Variants in RBM4 observed in about 807,000 individuals in gnomAD.
RBM4 encodes RNA binding motif protein 4.
RBM4 carries 7 observed loss-of-function variants against 29.5 expected under a neutral mutation model. That is an observed-to-expected ratio of 0.24 (90% confidence interval 0.14 to 0.45). The LOEUF is 0.45. RBM4 is among the 20% of genes least tolerant of loss of function. The pLI, the probability that RBM4 is intolerant of heterozygous loss-of-function variation, is 1.00. For missense variants in RBM4, 387 were observed against 502.3 expected (o/e 0.77, Z 2.19); for synonymous variants, 220 against 205.4 (o/e 1.07, Z -0.61).
At chr11:66,651,125 G>A (rs190021481), downstream of RBM4, among the ~76,000 whole-genome samples, 14 of 152,106 alleles carry the variant, frequency 9.2e-5, no homozygotes, top group Non-Finnish European at 1.8e-4. Flanking sequence ...GTAGACTCGG[G>A]GGGGGATGGA....
At position 66,646,462 on chromosome 11, in the gene RBM4, C is replaced by T; in HGVS notation, c.*444C>T. ...CTTTCCGGTGAAATAAATGGTTTTT[C>T]AACTTAGGGTATGTGTGCTTTGCGA... is the stretch of plus-strand genomic sequence containing the variant. On this transcript the variant is annotated 3_prime_UTR_variant, in exon 4 of 4. Coordinates refer to ENST00000310092, the MANE Select transcript of RBM4 (RefSeq NM_002896.4). 6 of 1,005,438 alleles carry T rather than the reference C, an allele frequency of 6.0e-6. No homozygotes were observed. Among genetic ancestry groups the T allele is most frequent in the Non-Finnish European group, 7.1e-6 (6 of 842,774 alleles). The allele number at this position is 1,005,438 out of a possible 1,614,324, so 62.3% of individuals were successfully genotyped here.
chr11:66,642,744 T>C (rs954917183), intron 2 of RBM4, among the ~76,000 whole-genome samples: 2 of 152,192 alleles, frequency 1.3e-5, no homozygotes, highest in African/African-American at 4.8e-5. Context: ...CCTGTTTGCC[T>C]TTGACCCTAG....
chr11:66,647,612 G>A (rs1202638562), downstream of RBM4, among the ~76,000 whole-genome samples: 2 of 152,084 alleles, frequency 1.3e-5, no homozygotes, highest in African/African-American at 4.8e-5. Context: ...ACCACTGAAC[G>A]CCATTTTTAC....
intron 2 of RBM4, chr11:66,665,704 A>G: frequency 6.8e-7 from 1 of 1,467,748 alleles, no homozygotes; most frequent in East Asian, 2.5e-5. Flanking sequence ...AAACCAAGTC[A>G]GACTGGATCT....
intron 2 of RBM4, among the ~76,000 whole-genome samples, chr11:66,662,691 C>T (rs1049112626): frequency 6.6e-6 from 1 of 152,188 alleles, no homozygotes; most frequent in Non-Finnish European, 1.5e-5. Context: ...GCGTGAGTCA[C>T]GCACCTGGTA....
At chr11:66,639,558 C>G in intron 1 of RBM4, 142 bp from the exon 2 acceptor site, 1 of 1,077,288 alleles carries the variant, frequency 9.3e-7, no homozygotes, top group Non-Finnish European at 1.3e-6. Context: ...ACTCCCACTT[C>G]CATTTGATTA....
downstream of RBM4, among the ~76,000 whole-genome samples, chr11:66,647,789 G>A (rs1056490608): frequency 1.4e-4 from 22 of 152,218 alleles, no homozygotes; most frequent in Non-Finnish European, 2.4e-4. Context: ...TTCTGAGGGA[G>A]CAGAAAATGC....
At chr11:66,645,223 C>T (rs1938639745) in intron 3 of RBM4, among the ~76,000 whole-genome samples, 1 of 152,164 alleles carries the variant, frequency 6.6e-6, no homozygotes, top group South Asian at 2.1e-4. Flanking sequence ...AATATATTCT[C>T]TTCTGATACT....
At chr11:66,644,852 C>A in intron 3 of RBM4, 2 of 278,106 alleles carry the variant, frequency 7.2e-6, no homozygotes, top group Non-Finnish European at 1.1e-5. Context: ...AGATTTATTC[C>A]CTGAATAGAG....
chr11:66,646,719 T>C (rs928683068), downstream of RBM4, among the ~76,000 whole-genome samples: 1 of 152,204 alleles, frequency 6.6e-6, no homozygotes, highest in African/African-American at 2.4e-5. Flanking sequence ...TACTTTTAGT[T>C]TACAGATGTA....
chr11:66,644,054 C>T lies in RBM4; in HGVS notation c.1017C>T (p.Ala339=), dbSNP rs371545888. The change falls in exon 3 of 4, where the codon GCC becomes GCT. Residue 339 remains alanine (A), a synonymous_variant. Coordinates refer to ENST00000310092, the MANE Select transcript of RBM4 (RefSeq NM_002896.4). The part of the protein sequence containing the change: ...HESELSQASA[A]ARNSLYDMAR... ...GTGAGTTGTCCCAAGCTTCAGCAGC[C>T]GCGCGGAATTCTCTGTACGACATGG... 2.2e-5 allele frequency: 35 copies of T among 1,613,884 alleles called. 1 individual carries two copies. Among genetic ancestry groups the T allele is most frequent in the Middle Eastern group, 1.6e-4 (1 of 6,084 alleles).
intron 2 of RBM4, chr11:66,665,187 G>T: frequency 4.6e-6 from 1 of 218,734 alleles, no homozygotes. Context: ...AGAGTCCAGA[G>T]CTAACAGAAG....
intron 2 of RBM4, chr11:66,665,459 C>G: frequency 1.3e-6 from 1 of 785,058 alleles, no homozygotes; most frequent in Non-Finnish European, 2.1e-6. Context: ...CATAGTTGGT[C>G]ACAAACTCCT....
intron 2 of RBM4, chr11:66,640,428 T>C: frequency 1.9e-6 from 1 of 524,692 alleles, no homozygotes; most frequent in Non-Finnish European, 3.3e-6. Flanking sequence ...TTTTATTTTT[T>C]ATTTTTTTGT....
rs1238633956 is a variant in RBM4 at position 66,639,801 on chromosome 11, A to G, written c.90A>G (p.Glu30=). ...SLFEQYGKVL[E]CDIIKNYGFV... ...TCGAGCAGTATGGGAAGGTGCTGGA[A>G]TGTGACATCATTAAGAATTACGGCT... The change falls in exon 2 of 4, where the codon GAA becomes GAG. Residue 30 remains glutamate (E), a synonymous_variant. Transcript: ENST00000310092. The G allele has an allele frequency of 6.2e-7, 1 of 1,614,032 alleles. No individual in the cohort carries two copies. The highest frequency in any genetic ancestry group is 8.5e-7 in the Non-Finnish European group (1 of 1,180,028).
At chr11:66,651,840 G>A (rs1281012456) in intron 2 of RBM4, among the ~76,000 whole-genome samples, 1 of 152,122 alleles carries the variant, frequency 6.6e-6, no homozygotes, top group Non-Finnish European at 1.5e-5. Flanking sequence ...TTTCTCTGGA[G>A]TTTCTTTTAT....
chr11:66,657,958 C>T (rs1938983945), intron 2 of RBM4, among the ~76,000 whole-genome samples: 1 of 152,070 alleles, frequency 6.6e-6, no homozygotes, highest in Non-Finnish European at 1.5e-5. Flanking sequence ...GAGCTCTAGC[C>T]ATTTGCCTGC....
downstream of RBM4, among the ~76,000 whole-genome samples, chr11:66,649,153 C>T (rs569188686): frequency 6.6e-6 from 1 of 152,066 alleles, no homozygotes; most frequent in African/African-American, 2.4e-5. Context: ...ATTACAGGCG[C>T]CTGCCACCAC....
In RBM4 at chr11:66,638,722, CGAG is replaced by C. The variant is rs1343616974; in HGVS notation, c.-35_-33del. On this transcript the variant is annotated 5_prime_UTR_variant, in exon 1 of 4. Transcript: ENST00000310092. ...CGTTTTGTCAGAAGCGTCCGCGCCG[CGAG>C]GAGGAGGCCCTGCTGGTTTCTGTGC... 1 of 153,630 alleles carries C rather than the reference CGAG, an allele frequency of 6.5e-6. No homozygotes were observed. Among genetic ancestry groups the C allele is most frequent in the Non-Finnish European group, 1.5e-5 (1 of 68,500 alleles). 9.5% of individuals were successfully genotyped at this position (153,630 alleles called of 1,614,324 possible).
Sources: allele counts gnomAD v4.1 joint callset (sites outside exome capture counted in the v4.1 genomes callset), GRCh38; gene constraint gnomAD v4.1.1; transcripts MANE v1.5; gene names NCBI Gene and HGNC (gene_info 2026-07-23, HGNC 2026-07-21).